CDK8: variants seen among roughly 807,000 people sequenced by gnomAD.
CDK8 encodes the protein cyclin dependent kinase 8.
CDK8 carries 29 observed loss-of-function variants against 71.5 expected under a neutral mutation model. The observed-to-expected ratio is 0.41, with a 90% CI of 0.30 to 0.55. CDK8 has a LOEUF of 0.55. Among genes scored for constraint, CDK8 ranks in the 20% least tolerant of loss-of-function variants. The probability of loss-of-function intolerance (pLI) is 0.37; values close to 1 mark genes in which losing one functional copy is unlikely to be tolerated. For synonymous variants in CDK8, 161 were observed against 192.1 expected, an observed-to-expected ratio of 0.84 and a Z score of 1.34; for missense variants, 288 against 572.6, an observed-to-expected ratio of 0.50 and a Z score of 5.07.
At chr13:26,267,751 A>G (rs760762228) in intron 1 of CDK8, among the ~76,000 whole-genome samples, 2 of 152,232 alleles carry the variant, frequency 1.3e-5, no homozygotes, top group African/African-American at 4.8e-5. Flanking sequence ...CAGAACTGCA[A>G]TAAATGTCCT....
At chr13:26,295,805 A>G (rs1040096444) in intron 1 of CDK8, among the ~76,000 whole-genome samples, 2 of 152,120 alleles carry the variant, frequency 1.3e-5, no homozygotes, top group Non-Finnish European at 2.9e-5. Flanking sequence ...TGAGAATATG[A>G]TCAATCCAGT....
At chr13:26,295,120 A>G (rs1873488757) in intron 1 of CDK8, among the ~76,000 whole-genome samples, 1 of 152,092 alleles carries the variant, frequency 6.6e-6, no homozygotes, top group Non-Finnish European at 1.5e-5. Flanking sequence ...TTTCTTATTA[A>G]AGGTTTTTCT....
chr13:26,391,363 T>C (rs1457743833), intron 6 of CDK8, among the ~76,000 whole-genome samples: 1 of 152,218 alleles, frequency 6.6e-6, no homozygotes, highest in Admixed American at 6.5e-5. Flanking sequence ...CGCCTCAGCC[T>C]CCTGAGTAGC....
At chr13:26,344,789 T>C (rs920729583) in intron 2 of CDK8, among the ~76,000 whole-genome samples, 6 of 151,916 alleles carry the variant, frequency 3.9e-5, no homozygotes, top group African/African-American at 1.5e-4. Context: ...CACATAGAGC[T>C]GCCTCTCCTA....
intron 7 of CDK8, among the ~76,000 whole-genome samples, chr13:26,395,735 A>G (rs1426273715): frequency 6.6e-6 from 1 of 152,120 alleles, no homozygotes; most frequent in African/African-American, 2.4e-5. Context: ...TTATTAATAT[A>G]CTAATTATAT....
At chr13:26,286,652 G>A (rs1873034459) in intron 1 of CDK8, among the ~76,000 whole-genome samples, 1 of 151,952 alleles carries the variant, frequency 6.6e-6, no homozygotes, top group Admixed American at 6.6e-5. Context: ...CAAAAACGAA[G>A]ATAAGTAGAT....
At chr13:26,374,623 A>G (rs1874858361) in intron 4 of CDK8, among the ~76,000 whole-genome samples, 1 of 146,596 alleles carries the variant, frequency 6.8e-6, no homozygotes, top group Non-Finnish European at 1.5e-5. Context: ...TATCTAGAAT[A>G]TAATCAACAT....
intron 4 of CDK8, among the ~76,000 whole-genome samples, chr13:26,379,330 T>G (rs1475956859): frequency 6.6e-6 from 1 of 152,206 alleles, no homozygotes; most frequent in Non-Finnish European, 1.5e-5. Flanking sequence ...GTGAGTTACC[T>G]AGCAAAGTAA....
chr13:26,284,751 C>T (rs541854363), intron 1 of CDK8, among the ~76,000 whole-genome samples: 1 of 151,960 alleles, frequency 6.6e-6, no homozygotes, highest in South Asian at 2.1e-4. Flanking sequence ...AGGAGGGTAC[C>T]CTCCCCAAAT....
At chr13:26,272,479 A>G (rs1391706292) in intron 1 of CDK8, among the ~76,000 whole-genome samples, 1 of 152,166 alleles carries the variant, frequency 6.6e-6, no homozygotes, top group Non-Finnish European at 1.5e-5. Context: ...ATCTCCTATG[A>G]TGATAATGCC....
At chr13:26,383,792 G>T (rs1875344311) in intron 5 of CDK8, among the ~76,000 whole-genome samples, 1 of 152,106 alleles carries the variant, frequency 6.6e-6, no homozygotes, top group Non-Finnish European at 1.5e-5. Flanking sequence ...AAAATACTCT[G>T]TTTTTGATAA....
chr13:26,334,144 A>T (rs1035752692), intron 1 of CDK8, among the ~76,000 whole-genome samples: 12 of 152,188 alleles, frequency 7.9e-5, no homozygotes, highest in African/African-American at 2.9e-4. Flanking sequence ...GTAGGGGAGA[A>T]GACTGATTGA....
At chr13:26,359,515 G>C (rs1271124748) in intron 4 of CDK8, 1 of 167,372 alleles carries the variant, frequency 6.0e-6, no homozygotes, top group Non-Finnish European at 1.3e-5. Flanking sequence ...AAGTTGTATT[G>C]ATACTGTTTG....
chr13:26,353,774 A>G lies in CDK8; in HGVS notation c.350A>G (p.Asn117Ser). 6.2e-7 allele frequency: 1 copy of G among 1,613,258 alleles called. No individual in the cohort carries two copies. Among genetic ancestry groups the G allele is most frequent in the Non-Finnish European group, 8.5e-7 (1 of 1,179,466 alleles). ...IIKFHRASKA[N>S]KKPVQLPRGM... The stretch of plus-strand genomic sequence containing the variant: ...AAGTTTCACAGAGCTTCTAAAGCAA[A>G]CAAGAAGCCAGTTCAGTTACCTCGG... The change falls in exon 4 of 13, where the codon AAC (asparagine) becomes AGC (serine). Residue 117 changes from asparagine to serine, a missense_variant. By Grantham distance (46) the Asn-to-Ser change is conservative (BLOSUM62 1). Around this residue, in one of 6 missense-constraint regions of CDK8, gnomAD observed 95 missense variants for 177.3 expected, o/e 0.54. Transcript: ENST00000381527.
chr13:26,347,244 A>T (rs142448368), intron 2 of CDK8, among the ~76,000 whole-genome samples: 2,002 of 152,270 alleles, frequency 0.013, 22 homozygotes, highest in Non-Finnish European at 0.022. Context: ...GCTCTCCTGG[A>T]TGCTTCTCTC....
intron 1 of CDK8, among the ~76,000 whole-genome samples, chr13:26,333,200 C>T (rs965897461): frequency 7.9e-5 from 12 of 151,674 alleles, no homozygotes; most frequent in Admixed American, 2.0e-4. Context: ...AGTGCAATGG[C>T]GCAATCCTGG....
chr13:26,378,391 T>C (rs1875057001), intron 4 of CDK8, among the ~76,000 whole-genome samples: 1 of 152,166 alleles, frequency 6.6e-6, no homozygotes, highest in South Asian at 2.1e-4. Flanking sequence ...AATACAAACA[T>C]CTGCTTTAGG....
chr13:26,346,028 G>C (rs1435819205), intron 2 of CDK8, among the ~76,000 whole-genome samples: 1 of 152,128 alleles, frequency 6.6e-6, no homozygotes, highest in Non-Finnish European at 1.5e-5. Context: ...ATTCCTCTAG[G>C]ATGTTAGCTC....
At chr13:26,397,130 A>C in intron 8 of CDK8, 23 bp from the exon 9 acceptor site, 4 of 1,376,594 alleles carry the variant, frequency 2.9e-6, no homozygotes, top group Non-Finnish European at 4.1e-6. Context: ...TAATATAGCT[A>C]TTTCATAGTA....
Sources: gnomAD v4.1 joint callset for allele counts (sites outside exome capture counted in the v4.1 genomes callset) on GRCh38, gnomAD v4.1.1 for gene constraint, gnomAD v4.1.1 regional missense constraint, MANE v1.5 for transcripts, NCBI Gene and HGNC (gene_info 2026-07-23, HGNC 2026-07-21) for gene names.